The following ERC2 variants were observed in gnomAD, a reference collection of about 807,000 sequenced individuals.
The protein encoded by ERC2 is ERC protein 2.
Under a neutral mutation model 114.8 loss-of-function variants are expected in ERC2, and 42 were observed. The ratio of observed to expected loss-of-function variants is 0.37; its 90% CI spans 0.29 to 0.47. The LOEUF (loss-of-function observed/expected upper bound fraction) is 0.47, where lower values mean the gene tolerates loss of function less well. ERC2 is among the 20% of genes least tolerant of loss of function. ERC2 has a pLI of 0.99. For missense variants in ERC2, 939 were observed against 1,150.7 expected, an observed-to-expected ratio of 0.82 and a Z score of 2.66; for synonymous variants, 454 against 425.5, an observed-to-expected ratio of 1.07 and a Z score of -0.82.
At chr3:55,522,272 G>A (rs1386865999) in intron 17 of ERC2, among the ~76,000 whole-genome samples, 1 of 152,156 alleles carries the variant, frequency 6.6e-6, no homozygotes, top group East Asian at 1.9e-4. Context: ...GCTGGGTGAA[G>A]TCAGGCCTTT....
chr3:55,676,296 G>A (rs1317422738), intron 17 of ERC2, among the ~76,000 whole-genome samples: 1 of 151,866 alleles, frequency 6.6e-6, no homozygotes, highest in Non-Finnish European at 1.5e-5. Context: ...TGTCCCAGGT[G>A]TAAGACAATT....
At chr3:56,393,438 C>T (rs150435385) in intron 2 of ERC2, among the ~76,000 whole-genome samples, 2 of 152,238 alleles carry the variant, frequency 1.3e-5, no homozygotes, top group East Asian at 1.9e-4. Context: ...TTAGGGAAGC[C>T]TTCACTGTAT....
At chr3:55,954,294 A>G (rs2067794537) in intron 12 of ERC2, among the ~76,000 whole-genome samples, 2 of 152,202 alleles carry the variant, frequency 1.3e-5, no homozygotes, top group African/African-American at 2.4e-5. Flanking sequence ...AAGGGATGTC[A>G]CTATTCAAAA....
chr3:55,814,281 C>T lies in ERC2; in HGVS notation c.2564+74108G>A, dbSNP rs542286245. ...AGGGTTATTTCATGTACATTTTCTCCTTTTGATTTTCATGACAATCCTATA... is the reference window on the plus strand; with the variant it reads ...AGGGTTATTTCATGTACATTTTCTCTTTTTGATTTTCATGACAATCCTATA... On this transcript the variant is annotated intron_variant, in intron 14 of 17. Coordinates refer to ENST00000288221, the MANE Select transcript of ERC2 (RefSeq NM_015576.3). Among the ~76,000 whole-genome samples the T allele has an allele frequency of 3.3e-5, 5 of 152,216 alleles. No homozygotes were observed. In the South Asian group the frequency reaches 1.0e-3, roughly 32 times the overall value.
intron 14 of ERC2, among the ~76,000 whole-genome samples, chr3:55,781,507 TG>T (rs2069043058): frequency 6.6e-6 from 1 of 151,956 alleles, no homozygotes; most frequent in Non-Finnish European, 1.5e-5. Context: ...GTTTTTTTTT[TG>T]TCATGGCTTA....
chr3:55,637,996 A>G (rs1167731437), intron 17 of ERC2, among the ~76,000 whole-genome samples: 1 of 152,212 alleles, frequency 6.6e-6, no homozygotes, highest in Non-Finnish European at 1.5e-5. Flanking sequence ...GGCAAAAGCA[A>G]TAATTGAACC....
At chr3:55,540,619 G>A (rs1170112627) in intron 17 of ERC2, among the ~76,000 whole-genome samples, 1 of 152,160 alleles carries the variant, frequency 6.6e-6, no homozygotes, top group Admixed American at 6.5e-5. Context: ...TAAAACGAAG[G>A]AGGTGAACCA....
chr3:56,267,373 A>T (rs921870581), intron 3 of ERC2, among the ~76,000 whole-genome samples: 1 of 152,238 alleles, frequency 6.6e-6, no homozygotes, highest in Admixed American at 6.5e-5. Context: ...AGAAAGAAAA[A>T]GGCTACATGA....
intron 14 of ERC2, among the ~76,000 whole-genome samples, chr3:55,887,607 T>C (rs145294330): frequency 1.3e-5 from 2 of 152,244 alleles, no homozygotes; most frequent in Non-Finnish European, 2.9e-5. Context: ...AACAGACCTA[T>C]TGCAATTGAT....
chr3:55,997,885 T>G (rs764475665), intron 10 of ERC2, among the ~76,000 whole-genome samples: 8,952 of 31,784 alleles, frequency 0.28, 507 homozygotes, highest in South Asian at 0.4. Flanking sequence ...ATTCTGTTTT[T>G]TTTTTTTTTT....
chr3:55,754,650 A>G (rs867988458), intron 14 of ERC2, among the ~76,000 whole-genome samples: 1 of 151,086 alleles, frequency 6.6e-6, no homozygotes, highest in African/African-American at 2.4e-5. Context: ...AAAAATATCA[A>G]TGAACTGCTA....
At chr3:56,278,670 A>T (rs977179817) in intron 3 of ERC2, among the ~76,000 whole-genome samples, 35 of 152,218 alleles carry the variant, frequency 2.3e-4, no homozygotes, top group Non-Finnish European at 3.8e-4. Context: ...TGCAGGCTGT[A>T]AAGAAGCCTG....
chr3:56,033,028 AACAGAAAG>A (rs2074548644), intron 7 of ERC2, among the ~76,000 whole-genome samples: 2 of 61,766 alleles, frequency 3.2e-5, no homozygotes, highest in East Asian at 4.2e-4. Context: ...AGAAAAAAGA[AACAGAAAG>A]AAAGAAAGAA....
intron 15 of ERC2, among the ~76,000 whole-genome samples, chr3:55,714,075 A>G (rs1231742434): frequency 1.3e-5 from 2 of 152,216 alleles, no homozygotes; most frequent in Non-Finnish European, 2.9e-5. Flanking sequence ...CTAGGTGAGG[A>G]CCAATATTGA....
intron 15 of ERC2, among the ~76,000 whole-genome samples, chr3:55,729,837 C>CAAAAAAAAAAAA (rs71096498): frequency 0.026 from 1,612 of 61,600 alleles, 523 homozygotes; most frequent in East Asian, 0.049. Context: ...GACTCTATCG[C>CAAAAAAAAAAAA]AAAAAAAAAA....
chr3:56,416,463 C>T (rs2061158974), intron 2 of ERC2, among the ~76,000 whole-genome samples: 1 of 152,054 alleles, frequency 6.6e-6, no homozygotes, highest in South Asian at 2.1e-4. Flanking sequence ...TACCACCCTT[C>T]AAAGCTAACC....
intron 2 of ERC2, among the ~76,000 whole-genome samples, chr3:56,413,391 T>A (rs142289673): frequency 1.5e-4 from 23 of 152,326 alleles, no homozygotes; most frequent in African/African-American, 4.1e-4. Flanking sequence ...GATCTCCCCC[T>A]GAGCATGGTG....
chr3:55,609,571 T>C (rs955146674), intron 17 of ERC2, among the ~76,000 whole-genome samples: 4 of 152,076 alleles, frequency 2.6e-5, no homozygotes, highest in African/African-American at 9.7e-5. Flanking sequence ...TCCCTGTCGC[T>C]TCATGCTGCG....
intron 14 of ERC2, among the ~76,000 whole-genome samples, chr3:55,883,094 C>T (rs1292540853): frequency 6.6e-6 from 1 of 152,212 alleles, no homozygotes; most frequent in African/African-American, 2.4e-5. Flanking sequence ...GAGTACCTAG[C>T]ACATAGTAGA....
Sources: allele counts gnomAD v4.1 joint callset (sites outside exome capture counted in the v4.1 genomes callset), GRCh38; gene constraint gnomAD v4.1.1; transcripts MANE v1.5; gene names NCBI Gene and HGNC (gene_info 2026-07-23, HGNC 2026-07-21).